DSN1: variants seen among roughly 807,000 people sequenced by gnomAD.
DSN1 encodes kinetochore-associated protein DSN1 homolog.
A neutral mutation model predicts 45.7 loss-of-function variants in DSN1; 31 were observed. The ratio of observed to expected loss-of-function variants is 0.68; its 90% CI spans 0.51 to 0.92. The LOEUF (loss-of-function observed/expected upper bound fraction) is 0.92. DSN1 is among the 40% of genes least tolerant of loss of function. The pLI is 0.00. For synonymous variants in DSN1, 134 were observed against 142.3 expected (o/e 0.94, Z 0.41); for missense variants, 394 against 414.2 (o/e 0.95, Z 0.42).
Position 36,766,260 on chromosome 20 carries a change from T to TGGCCATAGC in DSN1, c.502+500_502+508dup, listed in dbSNP as rs377660231. On this transcript the variant is annotated intron_variant, in intron 5 of 10. Coordinates refer to ENST00000373750, the MANE Select transcript of DSN1 (RefSeq NM_001145315.2). ...TCTGCAAGGATACACAAGAAACTGG[T>TGGCCATAGC]GGCCATAGCTACCTTTGGGGAGAGG... 2.7e-4 allele frequency among the ~76,000 whole-genome samples: 41 copies of TGGCCATAGC among 149,948 alleles called. 1 individual carries two copies. The highest frequency in any genetic ancestry group is 8.6e-4 in the African/African-American group (35 of 40,684).
At chr20:36,761,580 G>C (rs1285608984) in intron 6 of DSN1, among the ~76,000 whole-genome samples, 2 of 152,032 alleles carry the variant, frequency 1.3e-5, no homozygotes, top group African/African-American at 2.4e-5. Context: ...ATTAAAAATA[G>C]GCCGGCGCGG....
Position 36,766,619 on chromosome 20 carries a change from C to T in DSN1, c.502+150G>A, listed in dbSNP as rs1769400680. On this transcript the variant is annotated intron_variant, in intron 5 of 10. Transcript: ENST00000373750. ...GCAGTGAGCCAAGATCACCCTACTG[C>T]ACTCCAGTCTGGGCAAGAGTGAGAC... is the stretch of plus-strand genomic sequence containing the variant. The T allele has an allele frequency of 1.6e-5, 11 of 696,274 alleles. 1 individual carries two copies. The South Asian group carries it at 1.9e-4, about 12-fold the overall frequency. The allele number at this position is 696,274 out of a possible 1,614,324, so 43.1% of individuals were successfully genotyped here. A position where few individuals can be genotyped will look rare whatever the true frequency, so the allele number is the denominator to read the frequency against.
At chr20:36,761,001 T>C (rs1986951442) in intron 6 of DSN1, among the ~76,000 whole-genome samples, 1 of 152,202 alleles carries the variant, frequency 6.6e-6, no homozygotes, top group South Asian at 2.1e-4. Context: ...AAGTTCATGA[T>C]GTAAGCCCAA....
At chr20:36,754,963 T>A (rs1986595236) in intron 9 of DSN1, 113 bp from the exon 10 acceptor site, 1 of 826,182 alleles carries the variant, frequency 1.2e-6, no homozygotes, top group Non-Finnish European at 2.0e-6. Flanking sequence ...TCTTTCAGCC[T>A]GGAATGCTTA....
intron 8 of DSN1, among the ~76,000 whole-genome samples, chr20:36,757,828 C>A (rs1986758073): frequency 6.6e-6 from 1 of 152,162 alleles, no homozygotes; most frequent in Non-Finnish European, 1.5e-5. Flanking sequence ...TCTGTCTCCC[C>A]CAGGATATGA....
intron 9 of DSN1, among the ~76,000 whole-genome samples, chr20:36,755,352 C>G (rs1189248256): frequency 2.0e-5 from 3 of 152,098 alleles, no homozygotes; most frequent in Middle Eastern, 3.4e-3. Context: ...TGGTTTGACA[C>G]AACACTACTC....
chr20:36,761,150 T>G (rs897019180), intron 6 of DSN1, among the ~76,000 whole-genome samples: 3 of 152,074 alleles, frequency 2.0e-5, no homozygotes, highest in Admixed American at 1.3e-4. Flanking sequence ...CTTGGCAAGG[T>G]AGCAAAGATG....
At chr20:36,760,522 T>C (rs964361525) in intron 6 of DSN1, among the ~76,000 whole-genome samples, 3 of 152,180 alleles carry the variant, frequency 2.0e-5, no homozygotes, top group African/African-American at 7.2e-5. Context: ...CAGGTTTTTT[T>C]CTAGAAAAGC....
chr20:36,755,174 T>G (rs1273798169), intron 9 of DSN1, among the ~76,000 whole-genome samples: 3 of 152,026 alleles, frequency 2.0e-5, no homozygotes, highest in African/African-American at 7.2e-5. Flanking sequence ...TGCTACTCCC[T>G]CCTCCCTTTG....
rs1986502491 is a variant in DSN1, at chr20:36,753,654, GAAA to G, written c.962-760_962-758del. 6.6e-5 allele frequency among the ~76,000 whole-genome samples: 9 copies of G among 136,754 alleles called. No homozygotes were observed. The East Asian group carries it at 1.1e-3, about 16-fold the overall frequency. The allele number at this position is 136,754 out of a possible 152,430, so 89.7% of individuals were successfully genotyped here. A position where few individuals can be genotyped will look rare whatever the true frequency, so the allele number is the denominator to read the frequency against. ...CTGTCTCAAAAAAAAAAAAAAAAAA[GAAA>G]AAGAAAGAAAGAAAGAAAGCCAGCC... On this transcript the variant is annotated intron_variant, in intron 10 of 10. Coordinates refer to ENST00000373750, the MANE Select transcript of DSN1 (RefSeq NM_001145315.2).
At chr20:36,757,972 G>GC in intron 8 of DSN1, 115 bp downstream of exon 8, 1 of 981,706 alleles carries the variant, frequency 1.0e-6, no homozygotes. Context: ...AATTTGATGA[G>GC]CTTATTGGCC....
At position 36,752,947 on chromosome 20, in the gene DSN1, A is replaced by G. The variant is rs115263454; in HGVS notation, c.962-50T>C. On this transcript the variant is annotated intron_variant, in intron 10 of 10. Coordinates refer to ENST00000373750, the MANE Select transcript of DSN1 (RefSeq NM_001145315.2). ...TAAATTTCAATTGAAATAACGTAAC[A>G]TTTATTGAAAACTTAATGTAGGGAC... The G allele has an allele frequency of 3.8e-5, 56 of 1,466,990 alleles. No homozygotes were observed. The African/African-American group carries it at 7.0e-4, about 18-fold the overall frequency. The allele number at this position is 1,466,990 out of a possible 1,614,324, so 90.9% of individuals were successfully genotyped here.
At position 36,771,244 on chromosome 20, in the gene DSN1, T is replaced by A. The variant is rs759320274; in HGVS notation, c.35-51A>T. On this transcript the variant is annotated intron_variant, in intron 2 of 10. Transcript: ENST00000373750. ...AATACAAGATCAAGCCCGCCACAACTATTTGTGCAAAAAAGTGGAAAAAGT... is the reference window on the plus strand; with the variant it reads ...AATACAAGATCAAGCCCGCCACAACAATTTGTGCAAAAAAGTGGAAAAAGT... 3.2e-6 allele frequency: 5 copies of A among 1,552,922 alleles called. No individual in the cohort carries two copies. The East Asian group carries it at 1.1e-4, about 35-fold the overall frequency.
chr20:36,760,160 C>T (rs1031707667), intron 6 of DSN1, among the ~76,000 whole-genome samples: 17 of 152,014 alleles, frequency 1.1e-4, no homozygotes, highest in African/African-American at 3.1e-4. Context: ...AGGAGAATTG[C>T]TTGAGCCCAG....
intron 6 of DSN1, among the ~76,000 whole-genome samples, chr20:36,760,234 ACT>A (rs1230072518): frequency 6.6e-6 from 1 of 151,368 alleles, no homozygotes; most frequent in Non-Finnish European, 1.5e-5. Flanking sequence ...ACAGAGCGAG[ACT>A]CTGCCTCAAA....
chr20:36,772,625 A>G (rs775991288), intron 1 of DSN1, among the ~76,000 whole-genome samples: 2 of 152,148 alleles, frequency 1.3e-5, no homozygotes, highest in African/African-American at 2.4e-5. Flanking sequence ...GGACTTTTCC[A>G]AAGTGTAGTC....
At chr20:36,756,277 G>C (rs936851141) in intron 8 of DSN1, among the ~76,000 whole-genome samples, 7 of 152,154 alleles carry the variant, frequency 4.6e-5, no homozygotes, top group African/African-American at 1.7e-4. Context: ...ACCGCGCCTG[G>C]CCTTAACAAG....
At position 36,771,611 on chromosome 20, in the gene DSN1, T is replaced by A. The variant is rs528452721; in HGVS notation, c.-15-138A>T. The stretch of plus-strand genomic sequence containing the variant: ...CCTTATCCACCTCCCTGACAGAGAA[T>A]ATCAGCAGGGGCCATCACCTCCTCT... On this transcript the variant is annotated intron_variant, in intron 1 of 10. Coordinates refer to ENST00000373750, the MANE Select transcript of DSN1 (RefSeq NM_001145315.2). 8 of 680,086 alleles carry A rather than the reference T, an allele frequency of 1.2e-5. No individual in the cohort carries two copies. The East Asian group carries it at 2.2e-4, about 19-fold the overall frequency. The allele number at this position is 680,086 out of a possible 1,614,324, so 42.1% of individuals were successfully genotyped here.
At position 36,758,012 on chromosome 20, in the gene DSN1, G is replaced by C. The variant is rs1457368108; in HGVS notation, c.725+75C>G. Reference sequence around the variant, plus strand: ...AGAAAGGATTCATCTTTCAATTTGTGCTAACAGAACTGAAATAAACACCAA... The same window carrying C: ...AGAAAGGATTCATCTTTCAATTTGTCCTAACAGAACTGAAATAAACACCAA... On this transcript the variant is annotated intron_variant, in intron 8 of 10. Coordinates refer to ENST00000373750, the MANE Select transcript of DSN1 (RefSeq NM_001145315.2). 5 of 1,350,506 alleles carry C rather than the reference G, an allele frequency of 3.7e-6. No individual in the cohort carries two copies. The African/African-American group carries it at 5.8e-5, about 16-fold the overall frequency. 83.7% of individuals were successfully genotyped at this position (1,350,506 alleles called of 1,614,324 possible). A position where few individuals can be genotyped will look rare whatever the true frequency, so the allele number is the denominator to read the frequency against.
Sources: gnomAD v4.1 joint callset for allele counts (sites outside exome capture counted in the v4.1 genomes callset) on GRCh38, gnomAD v4.1.1 for gene constraint, MANE v1.5 for transcripts, NCBI Gene and HGNC (gene_info 2026-07-23, HGNC 2026-07-21) for gene names.